Variants in ADAM22 observed in about 807,000 individuals in gnomAD.
ADAM22 encodes the protein ADAM metallopeptidase domain 22, also known as disintegrin and metalloproteinase domain-containing protein 22.
ADAM22 carries 65 observed loss-of-function variants against 144.6 expected under a neutral mutation model. The ratio of observed to expected loss-of-function variants is 0.45; its 90% CI spans 0.37 to 0.55. The LOEUF (loss-of-function observed/expected upper bound fraction) is 0.55. ADAM22 is among the 20% of genes least tolerant of loss of function. The pLI, the probability that ADAM22 is intolerant of heterozygous loss-of-function variation, is 0.00. For synonymous variants in ADAM22, 391 were observed against 412.6 expected (o/e 0.95, Z 0.63); for missense variants, 974 against 1,184.9 (o/e 0.82, Z 2.61).
intron 2 of ADAM22, among the ~76,000 whole-genome samples, chr7:87,971,543 T>C (rs1335719340): frequency 1.3e-5 from 2 of 152,216 alleles, no homozygotes; most frequent in Non-Finnish European, 2.9e-5. Flanking sequence ...GTTTTTAAAA[T>C]CACAATTCAT....
At chr7:88,055,060 T>G (rs566929648) in intron 3 of ADAM22, among the ~76,000 whole-genome samples, 2 of 152,162 alleles carry the variant, frequency 1.3e-5, no homozygotes, top group African/African-American at 4.8e-5. Context: ...GTACAGGGGT[T>G]TTATAATGGA....
intron 17 of ADAM22, 97 bp downstream of exon 17, chr7:88,145,604 C>G (rs1247299120): frequency 1.0e-6 from 1 of 965,008 alleles, no homozygotes; most frequent in Non-Finnish European, 1.6e-6. Flanking sequence ...GAAATAGTAT[C>G]TAACATATAT....
chr7:88,133,084 C>T, intron 12 of ADAM22, 133 bp downstream of exon 12: 1 of 730,234 alleles, frequency 1.4e-6, no homozygotes, highest in Middle Eastern at 2.9e-4. Flanking sequence ...GTATGGTGGC[C>T]TGGCACAATG....
chr7:88,017,224 T>C (rs1327527856), intron 3 of ADAM22, among the ~76,000 whole-genome samples: 3 of 152,194 alleles, frequency 2.0e-5, no homozygotes, highest in Admixed American at 6.5e-5. Flanking sequence ...GGTGAATATA[T>C]TTAACGATAA....
At chr7:88,124,822 C>T (rs1830050426) in intron 7 of ADAM22, among the ~76,000 whole-genome samples, 1 of 151,988 alleles carries the variant, frequency 6.6e-6, no homozygotes, top group South Asian at 2.1e-4. Flanking sequence ...ACAAATTTCT[C>T]TGACCATGCT....
intron 3 of ADAM22, among the ~76,000 whole-genome samples, chr7:88,072,966 G>A (rs1334474467): frequency 1.3e-5 from 2 of 152,096 alleles, no homozygotes; most frequent in Non-Finnish European, 2.9e-5. Context: ...ATAAGCCCTT[G>A]GAAATTTGTG....
rs1562916456 is a variant in ADAM22 at position 87,982,685 on chromosome 7, ATATATATATATATAAT to A, written c.323+4275_323+4290del. ...TCAGTTATTACATATATATATATATATATATATATATATAATTTTTTTTTTTGAGATACAGTTTTGC... is the reference window on the plus strand; with the variant it reads ...TCAGTTATTACATATATATATATATATTTTTTTTTTGAGATACAGTTTTGC... On this transcript the variant is annotated intron_variant, in intron 3 of 31. Coordinates refer to ENST00000413139, the MANE Select transcript of ADAM22 (RefSeq NM_001324418.2). 3.2e-4 allele frequency among the ~76,000 whole-genome samples: 23 copies of A among 72,214 alleles called. 2 individuals are homozygous for A. Among genetic ancestry groups the A allele is most frequent in the African/African-American group, 1.3e-3 (17 of 12,764 alleles). 47.4% of individuals were successfully genotyped at this position (72,214 alleles called of 152,430 possible).
At chr7:88,037,776 A>T (rs1053001715) in intron 3 of ADAM22, among the ~76,000 whole-genome samples, 1 of 152,056 alleles carries the variant, frequency 6.6e-6, no homozygotes, top group Non-Finnish European at 1.5e-5. Flanking sequence ...TACCTTATAC[A>T]CACACTCACT....
intron 3 of ADAM22, among the ~76,000 whole-genome samples, chr7:88,043,932 A>T (rs894417009): frequency 2.6e-5 from 4 of 152,170 alleles, no homozygotes; most frequent in Non-Finnish European, 5.9e-5. Context: ...AGGGAAAATA[A>T]TTTCCATTTT....
rs748246775 is a variant in ADAM22 at position 88,196,925 on chromosome 7, A to C, written c.*434A>C. ...ATGAAGCTTCTGTTTATTGTTTTCC[A>C]TATTTAAGGAAACAACATCCCATAA... On this transcript the variant is annotated 3_prime_UTR_variant, in exon 32 of 32. Transcript: ENST00000413139. 6.1e-6 allele frequency: 1 copy of C among 165,206 alleles called. No individual in the cohort carries two copies. Among genetic ancestry groups the C allele is most frequent in the African/African-American group, 2.4e-5 (1 of 41,930 alleles). The allele number at this position is 165,206 out of a possible 1,614,324, so 10.2% of individuals were successfully genotyped here.
At position 88,199,286 on chromosome 7, in the gene ADAM22, C is replaced by G. The variant is rs1009469427; in HGVS notation, c.*2795C>G. Reference sequence around the variant, plus strand: ...TAAGCAGAAGAGAGCAGTTATTTGGCCTTTATGTTCCATTGTATGCCTTTT... The same window carrying G: ...TAAGCAGAAGAGAGCAGTTATTTGGGCTTTATGTTCCATTGTATGCCTTTT... On this transcript the variant is annotated 3_prime_UTR_variant, in exon 32 of 32. Transcript: ENST00000413139. 2.6e-5 allele frequency: 4 copies of G among 152,056 alleles called. No homozygotes were observed. The highest frequency in any genetic ancestry group is 5.9e-5 in the Non-Finnish European group (4 of 67,992). The allele number at this position is 152,056 out of a possible 1,614,324, so 9.4% of individuals were successfully genotyped here.
chr7:88,114,157 C>T (rs1827121476), intron 5 of ADAM22, among the ~76,000 whole-genome samples: 1 of 152,062 alleles, frequency 6.6e-6, no homozygotes, highest in Non-Finnish European at 1.5e-5. Flanking sequence ...CGGGCGTTCT[C>T]AGTATAGTCC....
chr7:88,108,219 C>T lies in ADAM22; in HGVS notation c.434C>T (p.Pro145Leu). 1 of 1,613,810 alleles carries T rather than the reference C, an allele frequency of 6.2e-7. No individual in the cohort carries two copies. The highest frequency in any genetic ancestry group is 8.5e-7 in the Non-Finnish European group (1 of 1,179,902). ...CYYQGHIRGNPDSFVALSTCH... is the reference protein window; with the variant it reads ...CYYQGHIRGNLDSFVALSTCH... ...TACCAGGGCCATATCCGAGGAAACC[C>T]TGACTCATTTGTTGCATTGTCAACA... Residue 145 changes from proline to leucine, a missense_variant, in exon 5 of 32, where the codon CCT (proline) becomes CTT (leucine). Pro to Leu is a moderately conservative substitution (Grantham distance 98, BLOSUM62 -3). Around this residue, in one of 2 missense-constraint regions of ADAM22, gnomAD observed 240 missense variants for 234.3 expected, o/e 1.02. Coordinates refer to ENST00000413139, the MANE Select transcript of ADAM22 (RefSeq NM_001324418.2).
chr7:88,082,699 A>T (rs1376626470), intron 4 of ADAM22, among the ~76,000 whole-genome samples: 8 of 152,236 alleles, frequency 5.3e-5, no homozygotes, highest in African/African-American at 1.7e-4. Flanking sequence ...ACACTTCTCA[A>T]AAGAAGACAT....
intron 4 of ADAM22, among the ~76,000 whole-genome samples, chr7:88,078,921 C>A (rs569491952): frequency 6.6e-6 from 1 of 152,336 alleles, no homozygotes; most frequent in Non-Finnish European, 1.5e-5. Context: ...GCAAAACACT[C>A]TGCAGGATAT....
At chr7:88,076,937 A>T (rs549051915) in intron 4 of ADAM22, among the ~76,000 whole-genome samples, 1 of 152,242 alleles carries the variant, frequency 6.6e-6, no homozygotes, top group African/African-American at 2.4e-5. Flanking sequence ...ACTTGTAAAC[A>T]GAGAAAAGTT....
rs138742510 is a variant in ADAM22, at chr7:87,990,689, G to A, written c.323+12277G>A. 1.2e-4 allele frequency among the ~76,000 whole-genome samples: 18 copies of A among 151,788 alleles called. No homozygotes were observed. The East Asian group carries it at 2.7e-3, about 23-fold the overall frequency. ...TTTCTTCTTTTTTTTTTGAGATAGA[G>A]TCTTGCTCTGTAGCCCAGGCTGGAG... On this transcript the variant is annotated intron_variant, in intron 3 of 31. Coordinates refer to ENST00000413139, the MANE Select transcript of ADAM22 (RefSeq NM_001324418.2).
chr7:88,035,520 G>A (rs1041297383), intron 3 of ADAM22, among the ~76,000 whole-genome samples: 1 of 152,134 alleles, frequency 6.6e-6, no homozygotes. Context: ...CCACATCTGT[G>A]GGTTCCATAT....
At chr7:88,136,099 T>A in intron 14 of ADAM22, 68 bp downstream of exon 14, 1 of 1,418,064 alleles carries the variant, frequency 7.1e-7, no homozygotes, top group East Asian at 2.3e-5. Context: ...TTCTTAGGAA[T>A]ATGACACTCA....
Sources: gnomAD v4.1 joint callset for allele counts (sites outside exome capture counted in the v4.1 genomes callset) on GRCh38, gnomAD v4.1.1 for gene constraint, gnomAD v4.1.1 regional missense constraint, MANE v1.5 for transcripts, NCBI Gene and HGNC (gene_info 2026-07-23, HGNC 2026-07-21) for gene names.